MYO18B: variants seen among roughly 807,000 people sequenced by gnomAD.
MYO18B encodes unconventional myosin-XVIIIb.
MYO18B carries 204 observed loss-of-function variants against 273.0 expected under a neutral mutation model. The ratio of observed to expected loss-of-function variants is 0.75; its 90% CI spans 0.67 to 0.84. MYO18B has a LOEUF of 0.84. Among genes scored for constraint, MYO18B ranks in the 40% least tolerant of loss-of-function variants. The pLI, the probability that MYO18B is intolerant of heterozygous loss-of-function variation, is 0.00. For synonymous variants in MYO18B, 1,330 were observed against 1,305.7 expected (o/e 1.02, Z -0.40); for missense variants, 3,212 against 3,287.6 (o/e 0.98, Z 0.56).
intron 40 of MYO18B, among the ~76,000 whole-genome samples, chr22:25,997,978 C>CACAGACACACACACACACGAGAGA (rs34431605): frequency 6.9e-6 from 1 of 144,550 alleles, no homozygotes; most frequent in African/African-American, 2.6e-5. Context: ...CACACACACA[C>CACAGACACACACACACACGAGAGA]GAGAGAGAGA....
intron 1 of MYO18B, among the ~76,000 whole-genome samples, chr22:25,757,375 A>C (rs1288611174): frequency 6.6e-6 from 1 of 152,064 alleles, no homozygotes; most frequent in Non-Finnish European, 1.5e-5. Context: ...CGAGGGTCGG[A>C]TCACAAGGTC....
intron 12 of MYO18B, among the ~76,000 whole-genome samples, chr22:25,802,926 C>A (rs1449436060): frequency 2.0e-5 from 3 of 151,146 alleles, no homozygotes; most frequent in Middle Eastern, 3.4e-3. Context: ...ATGTGCATAT[C>A]TTTGTTGTCT....
intron 21 of MYO18B, among the ~76,000 whole-genome samples, chr22:25,864,308 T>C (rs2146119870): frequency 6.6e-6 from 1 of 152,258 alleles, no homozygotes; most frequent in African/African-American, 2.4e-5. Flanking sequence ...ATTTCCAGAG[T>C]ATTGAACCTG....
chr22:25,934,578 G>T (rs1256557338), intron 34 of MYO18B, among the ~76,000 whole-genome samples: 1 of 152,176 alleles, frequency 6.6e-6, no homozygotes, highest in Non-Finnish European at 1.5e-5. Context: ...TCGGGGCACA[G>T]CTTGGTTTTA....
chr22:25,941,040 C>G (rs1321342679), intron 34 of MYO18B, among the ~76,000 whole-genome samples: 1 of 152,182 alleles, frequency 6.6e-6, no homozygotes, highest in Non-Finnish European at 1.5e-5. Flanking sequence ...GGTGCTTTTT[C>G]TAGCTATTGA....
chr22:26,024,245 A>C (rs1161179352), intron 42 of MYO18B, among the ~76,000 whole-genome samples: 1 of 152,236 alleles, frequency 6.6e-6, no homozygotes, highest in Admixed American at 6.5e-5. Flanking sequence ...ATTATTCATC[A>C]TAACCACTAA....
chr22:26,010,364 T>C lies in MYO18B; in HGVS notation c.6470+5509T>C, dbSNP rs111646990. On this transcript the variant is annotated intron_variant, in intron 42 of 43. Transcript: ENST00000335473. ...TACAGCAGGGGTCCCAGAGTGCAGG[T>C]TGAGGGCAGAAGCATGTGGTGGGCT... 7.2e-3 allele frequency among the ~76,000 whole-genome samples: 1,090 copies of C among 152,108 alleles called. 13 individuals carry two copies. The highest frequency in any genetic ancestry group is 0.025 in the African/African-American group (1,044 of 41,478).
At chr22:25,832,611 A>T (rs2089749712) in intron 15 of MYO18B, among the ~76,000 whole-genome samples, 1 of 152,184 alleles carries the variant, frequency 6.6e-6, no homozygotes, top group Admixed American at 6.5e-5. Context: ...CTGGGGGAGA[A>T]GGAAATAGGG....
At chr22:25,771,901 G>A (rs2073256) in intron 6 of MYO18B, among the ~76,000 whole-genome samples, 79,287 of 152,048 alleles carry the variant, frequency 0.52, 21,041 homozygotes, top group East Asian at 0.77. Flanking sequence ...TTTGGCCATT[G>A]GCCTCCACTC....
At chr22:25,901,877 A>G (rs944874124) in intron 29 of MYO18B, among the ~76,000 whole-genome samples, 1 of 149,098 alleles carries the variant, frequency 6.7e-6, no homozygotes, top group African/African-American at 2.5e-5. Context: ...CAGTGGCACA[A>G]TCATGGCTCA....
intron 39 of MYO18B, among the ~76,000 whole-genome samples, chr22:25,990,701 A>AG (rs2093257497): frequency 1.4e-5 from 1 of 71,962 alleles, no homozygotes; most frequent in Admixed American, 1.2e-4. Flanking sequence ...AAAAAAAAAA[A>AG]AAAAAAAAAA....
chr22:25,830,270 ATT>A (rs536173910), intron 15 of MYO18B, among the ~76,000 whole-genome samples: 1 of 148,670 alleles, frequency 6.7e-6, no homozygotes, highest in Non-Finnish European at 1.5e-5. Context: ...CTGACCCTCA[ATT>A]TTTTTTTTTA....
At position 25,835,366 on chromosome 22, in the gene MYO18B, A is replaced by T. The variant is rs377045010; in HGVS notation, c.3131A>T (p.His1044Leu). The T allele has an allele frequency of 6.2e-6, 10 of 1,613,988 alleles. No individual in the cohort carries two copies. In the Admixed American group the frequency reaches 6.7e-5, roughly 11 times the overall value. The change falls in exon 17 of 44, where the codon CAT becomes CTT. Residue 1044 changes from histidine to leucine, a missense_variant. Physicochemically the swap from His to Leu is moderately conservative, Grantham distance 99 (BLOSUM62 -3). Coordinates refer to ENST00000335473, the MANE Select transcript of MYO18B (RefSeq NM_032608.7). ...GLFWVLDEEVHVEGSSDSVVL... is the reference protein window; with the variant it reads ...GLFWVLDEEVLVEGSSDSVVL... ...TTCTGGGTCTTAGATGAGGAAGTCCATGTAGAGGGCTCCAGTGACAGTGTG... is the reference window on the plus strand; with the variant it reads ...TTCTGGGTCTTAGATGAGGAAGTCCTTGTAGAGGGCTCCAGTGACAGTGTG...
intron 7 of MYO18B, among the ~76,000 whole-genome samples, chr22:25,775,671 G>T (rs537466761): frequency 1.3e-5 from 2 of 151,990 alleles, no homozygotes; most frequent in African/African-American, 2.4e-5. Context: ...CGCTTTCCTG[G>T]TTTTCATTCC....
At position 25,772,508 on chromosome 22, in the gene MYO18B, A is replaced by G. The variant is rs774741882; in HGVS notation, c.1867A>G (p.Lys623Glu). The G allele has an allele frequency of 6.2e-7, 1 of 1,612,978 alleles. No individual in the cohort carries two copies. Among genetic ancestry groups the G allele is most frequent in the Non-Finnish European group, 8.5e-7 (1 of 1,179,632 alleles). ...PRGPSVPSAG[K>E]VPKGRRDGLP... is the part of the protein sequence containing the mutation. ...GGGGCCCTCGGTGCCTTCTGCAGGG[A>G]AGGTGAGGTGGGACCATTGTGGGCA... is the stretch of plus-strand genomic sequence containing the variant. The change falls in exon 7 of 44, where the codon AAG (lysine) becomes GAG (glutamate). Residue 623 changes from lysine to glutamate, a missense_variant and splice_region_variant. Transcript: ENST00000335473.
chr22:26,042,984 G>T, the MYO18B span, among the ~76,000 whole-genome samples: 1 of 152,178 alleles, frequency 6.6e-6, no homozygotes, highest in Non-Finnish European at 1.5e-5. Context: ...TGCTCAGTCT[G>T]TTTGGATGAA....
At chr22:25,930,865 A>C (rs1010811599) in intron 34 of MYO18B, among the ~76,000 whole-genome samples, 1 of 152,072 alleles carries the variant, frequency 6.6e-6, no homozygotes, top group Non-Finnish European at 1.5e-5. Flanking sequence ...CGACTTATAC[A>C]CTGTGAGCTC....
At chr22:25,890,553 G>A (rs2091630313) in intron 25 of MYO18B, among the ~76,000 whole-genome samples, 1 of 152,170 alleles carries the variant, frequency 6.6e-6, no homozygotes. Flanking sequence ...ATCCTGCTTG[G>A]TGTAAAATCA....
chr22:25,978,035 G>T (rs2093111403), intron 39 of MYO18B, among the ~76,000 whole-genome samples: 1 of 152,174 alleles, frequency 6.6e-6, no homozygotes, highest in Non-Finnish European at 1.5e-5. Context: ...TAAAGTTGAA[G>T]TATTTATGTG....
Sources: gnomAD v4.1 joint callset for allele counts (sites outside exome capture counted in the v4.1 genomes callset) on GRCh38, gnomAD v4.1.1 for gene constraint, MANE v1.5 for transcripts, NCBI Gene and HGNC (gene_info 2026-07-23, HGNC 2026-07-21) for gene names.